Variants in CDH13 observed in about 807,000 individuals in gnomAD.
CDH13 encodes the protein cadherin 13.
CDH13 carries 24 observed loss-of-function variants against 63.8 expected under a neutral mutation model. That is an observed-to-expected ratio of 0.38 (90% CI 0.27 to 0.53). The LOEUF (loss-of-function observed/expected upper bound fraction) is 0.53, where lower values mean the gene tolerates loss of function less well. CDH13 is among the 20% of genes least tolerant of loss of function. CDH13 has a pLI of 0.85. For synonymous variants in CDH13, 503 were observed against 355.3 expected, an observed-to-expected ratio of 1.42 and a Z score of -4.67; for missense variants, 1,049 against 903.1, an observed-to-expected ratio of 1.16 and a Z score of -2.07.
rs114120933 is a variant in CDH13, at chr16:82,705,936, G to A, written c.45+78799G>A. Among the ~76,000 whole-genome samples the A allele has an allele frequency of 4.7e-3, 718 of 152,166 alleles. 6 individuals carry two copies. Among genetic ancestry groups the A allele is most frequent in the African/African-American group, 0.015 (610 of 41,512 alleles). On this transcript the variant is annotated intron_variant, in intron 1 of 13. Transcript: ENST00000567109. The stretch of plus-strand genomic sequence containing the variant: ...AATACAATCAGTGGTGTTTTCCTTC[G>A]TGAGATGCAGCCTTATATACAGGCT...
Position 83,613,496 on chromosome 16 carries a change from C to CA in CDH13, c.1101+10904dup, listed in dbSNP as rs537763897. ...TCTGTTGAGCTATTTTTAAGCTCAC[C>CA]AATCCTCTCTTCTGTCTAATCTACT... On this transcript the variant is annotated intron_variant, in intron 8 of 13. Coordinates refer to ENST00000567109, the MANE Select transcript of CDH13 (RefSeq NM_001257.5). Among the ~76,000 whole-genome samples the CA allele has an allele frequency of 2.3e-3, 346 of 152,148 alleles. 2 individuals are homozygous for CA. The highest frequency in any genetic ancestry group is 3.8e-3 in the Non-Finnish European group (258 of 68,002).
chr16:83,424,578 T>C (rs1204695668), intron 6 of CDH13, among the ~76,000 whole-genome samples: 2 of 152,196 alleles, frequency 1.3e-5, no homozygotes, highest in African/African-American at 2.4e-5. Context: ...CTAATATAAA[T>C]AATATTGGAC....
At chr16:83,194,639 G>A (rs957476565) in intron 4 of CDH13, among the ~76,000 whole-genome samples, 3 of 152,130 alleles carry the variant, frequency 2.0e-5, no homozygotes, top group Non-Finnish European at 4.4e-5. Flanking sequence ...AAAAGAAAAC[G>A]ACTTAACTAA....
At chr16:83,289,363 G>C (rs77652642) in intron 5 of CDH13, among the ~76,000 whole-genome samples, 12,027 of 152,244 alleles carry the variant, frequency 0.079, 668 homozygotes, top group Non-Finnish European at 0.12. Flanking sequence ...AGGGCGGTGT[G>C]TGGTAACTGT....
At chr16:83,335,765 G>T (rs2090580057) in intron 5 of CDH13, among the ~76,000 whole-genome samples, 1 of 152,070 alleles carries the variant, frequency 6.6e-6, no homozygotes, top group South Asian at 2.1e-4. Flanking sequence ...AATTACCGGT[G>T]CATGCAGACC....
Position 83,070,389 on chromosome 16 carries a change from G to A in CDH13, c.366+38171G>A, listed in dbSNP as rs535764238. Among the ~76,000 whole-genome samples the A allele has an allele frequency of 6.6e-5, 10 of 152,162 alleles. No homozygotes were observed. The South Asian group carries it at 1.7e-3, about 25-fold the overall frequency. ...TTGGATTAAATGATAACAAAAATTG[G>A]AACTTTCCCTTTATCTTCTTTTCTT... On this transcript the variant is annotated intron_variant, in intron 3 of 13. Transcript: ENST00000567109.
intron 1 of CDH13, among the ~76,000 whole-genome samples, chr16:82,757,637 C>CTTTTT (rs1307353183): frequency 2.1e-5 from 2 of 93,292 alleles, no homozygotes; most frequent in Non-Finnish European, 5.4e-5. Flanking sequence ...AACGCCATAG[C>CTTTTT]TTTTTTTTTG....
At chr16:82,731,682 A>G (rs2033410567) in intron 1 of CDH13, among the ~76,000 whole-genome samples, 1 of 152,234 alleles carries the variant, frequency 6.6e-6, no homozygotes, top group Non-Finnish European at 1.5e-5. Flanking sequence ...GTTGGCTACA[A>G]GTGTAAGAGT....
chr16:83,039,945 C>T (rs1052588632), intron 3 of CDH13, among the ~76,000 whole-genome samples: 2 of 152,056 alleles, frequency 1.3e-5, no homozygotes, highest in Non-Finnish European at 2.9e-5. Context: ...TATCCCCCAG[C>T]TGGCTAGGTG....
At chr16:82,743,330 C>A (rs572086371) in intron 1 of CDH13, among the ~76,000 whole-genome samples, 2 of 152,118 alleles carry the variant, frequency 1.3e-5, no homozygotes, top group African/African-American at 2.4e-5. Context: ...CGGGCTTAGG[C>A]GATCCTCCCA....
chr16:83,386,011 A>G (rs1172994000), intron 6 of CDH13, among the ~76,000 whole-genome samples: 2 of 152,220 alleles, frequency 1.3e-5, no homozygotes, highest in Non-Finnish European at 2.9e-5. Context: ...ATTTGTAGCT[A>G]TGGGTGCTTG....
At chr16:83,052,687 G>A (rs2030473993) in intron 3 of CDH13, among the ~76,000 whole-genome samples, 1 of 142,176 alleles carries the variant, frequency 7.0e-6, no homozygotes, top group Non-Finnish European at 1.5e-5. Context: ...GGCTGAGGCA[G>A]AATTGCTTGA....
intron 3 of CDH13, among the ~76,000 whole-genome samples, chr16:83,074,584 C>A (rs1332188894): frequency 6.6e-6 from 1 of 152,156 alleles, no homozygotes; most frequent in East Asian, 1.9e-4. Flanking sequence ...ATACTGTTTT[C>A]CATAATGGCT....
At chr16:83,131,002 G>C (rs901216391) in intron 4 of CDH13, among the ~76,000 whole-genome samples, 1 of 152,196 alleles carries the variant, frequency 6.6e-6, no homozygotes, top group Non-Finnish European at 1.5e-5. Context: ...ATGAGAGAAA[G>C]TGTCTTGACT....
At chr16:83,232,333 T>C (rs1254760529) in intron 5 of CDH13, among the ~76,000 whole-genome samples, 1 of 145,712 alleles carries the variant, frequency 6.9e-6, no homozygotes, top group African/African-American at 2.5e-5. Context: ...AAGACCAACC[T>C]GGCCAACATG....
chr16:82,764,318 C>G (rs1437997098), intron 1 of CDH13, among the ~76,000 whole-genome samples: 2 of 152,148 alleles, frequency 1.3e-5, no homozygotes, highest in African/African-American at 4.8e-5. Flanking sequence ...CATGGTCTTG[C>G]TACTTACCTA....
chr16:83,323,187 T>C (rs1256154766), intron 5 of CDH13, among the ~76,000 whole-genome samples: 2 of 101,342 alleles, frequency 2.0e-5, no homozygotes, highest in African/African-American at 7.9e-5. Context: ...TCTTTCTTTC[T>C]TTCTTTCTTT....
chr16:82,822,533 G>C (rs138501618), intron 1 of CDH13, among the ~76,000 whole-genome samples: 1 of 152,262 alleles, frequency 6.6e-6, no homozygotes, highest in African/African-American at 2.4e-5. Flanking sequence ...GTCTCATTCT[G>C]TCACTCAGGC....
At chr16:82,811,778 T>G (rs2037457462) in intron 1 of CDH13, among the ~76,000 whole-genome samples, 3 of 152,244 alleles carry the variant, frequency 2.0e-5, no homozygotes, top group African/African-American at 7.2e-5. Flanking sequence ...CAATTGGGTA[T>G]GTATAGACAT....
Sources: allele counts gnomAD v4.1 joint callset (sites outside exome capture counted in the v4.1 genomes callset), GRCh38; gene constraint gnomAD v4.1.1; transcripts MANE v1.5; gene names NCBI Gene and HGNC (gene_info 2026-07-23, HGNC 2026-07-21).